SMYD3: variants seen among roughly 807,000 people sequenced by gnomAD.
The protein encoded by SMYD3 is SET and MYND domain containing 3.
Under a neutral mutation model 57.7 loss-of-function variants are expected in SMYD3, and 36 were observed. The observed-to-expected ratio is 0.62, with a 90% CI of 0.48 to 0.82. SMYD3 has a LOEUF of 0.82. Among genes scored for constraint, SMYD3 ranks in the 40% least tolerant of loss-of-function variants. The pLI is 0.00. For synonymous variants in SMYD3, 211 were observed against 195.0 expected (o/e 1.08, Z -0.68); for missense variants, 515 against 538.8 (o/e 0.96, Z 0.44).
At chr1:246,140,893 C>G (rs1331838739) in intron 5 of SMYD3, among the ~76,000 whole-genome samples, 1 of 152,170 alleles carries the variant, frequency 6.6e-6, no homozygotes, top group Admixed American at 6.5e-5. Flanking sequence ...CCAAGCCCAG[C>G]TGGAAGGAAA....
intron 1 of SMYD3, 73 bp downstream of exon 1, chr1:246,506,981 C>T (rs1167370653): frequency 3.7e-6 from 3 of 805,600 alleles, no homozygotes; most frequent in Non-Finnish European, 5.2e-6. Context: ...GGCTGCCGGC[C>T]GCCCGACGCC....
intron 1 of SMYD3, among the ~76,000 whole-genome samples, chr1:246,412,019 G>T (rs2066984003): frequency 6.7e-6 from 1 of 149,702 alleles, no homozygotes; most frequent in Non-Finnish European, 1.5e-5. Context: ...CCACTATCCT[G>T]TCTCTTCCCC....
intron 8 of SMYD3, among the ~76,000 whole-genome samples, chr1:245,895,514 T>C (rs551206593): frequency 6.6e-6 from 1 of 150,982 alleles, no homozygotes; most frequent in Admixed American, 6.6e-5. Flanking sequence ...GCAGAAAAAA[T>C]CTTGGTTTCC....
chr1:246,182,304 T>A (rs1377550506), intron 5 of SMYD3, among the ~76,000 whole-genome samples: 1 of 152,136 alleles, frequency 6.6e-6, no homozygotes, highest in Non-Finnish European at 1.5e-5. Context: ...TACCTCAGCC[T>A]TCACTCCACT....
At chr1:245,909,926 C>T (rs915476068) in intron 8 of SMYD3, among the ~76,000 whole-genome samples, 11 of 152,114 alleles carry the variant, frequency 7.2e-5, no homozygotes, top group Admixed American at 5.9e-4. Context: ...TCCACTTTCA[C>T]CACTTTTACT....
chr1:246,338,642 A>T (rs1482387090), intron 2 of SMYD3, among the ~76,000 whole-genome samples: 1 of 152,232 alleles, frequency 6.6e-6, no homozygotes, highest in African/African-American at 2.4e-5. Flanking sequence ...AAAAGGAGAC[A>T]AGAGTTTCAT....
intron 8 of SMYD3, 32 bp downstream of exon 8, chr1:245,915,498 G>C (rs749588870): frequency 7.3e-7 from 1 of 1,370,956 alleles, no homozygotes; most frequent in East Asian, 2.3e-5. Flanking sequence ...TTTTGCCGTG[G>C]AGGTGTTTCA....
intron 5 of SMYD3, among the ~76,000 whole-genome samples, chr1:246,106,505 T>C: frequency 6.6e-6 from 1 of 152,184 alleles, no homozygotes; most frequent in East Asian, 1.9e-4. Context: ...ATCTGCCAAC[T>C]GAACAAATGA....
intron 10 of SMYD3, among the ~76,000 whole-genome samples, chr1:245,797,426 ACAAAAAAC>A (rs138114209): frequency 0.21 from 32,188 of 150,924 alleles, 4,797 homozygotes; most frequent in African/African-American, 0.42. Flanking sequence ...TATCACAAGG[ACAAAAAAC>A]CAAACACCAC....
intron 1 of SMYD3, among the ~76,000 whole-genome samples, chr1:246,389,483 G>A (rs1192828063): frequency 6.5e-4 from 4 of 6,114 alleles, no homozygotes; most frequent in African/African-American, 9.2e-4. Flanking sequence ...AAATCACCTC[G>A]AGGTTGAAGT....
At chr1:245,795,622 C>T (rs891712440) in intron 10 of SMYD3, among the ~76,000 whole-genome samples, 1 of 152,160 alleles carries the variant, frequency 6.6e-6, no homozygotes, top group Non-Finnish European at 1.5e-5. Context: ...ATGATCTAAC[C>T]ATGCCAGCTC....
At chr1:245,916,776 G>A (rs2055458331) in intron 7 of SMYD3, among the ~76,000 whole-genome samples, 1 of 152,054 alleles carries the variant, frequency 6.6e-6, no homozygotes, top group Non-Finnish European at 1.5e-5. Context: ...TAGCCAGAGT[G>A]ATTCACATAA....
chr1:246,071,995 CTGTGGATG>C lies in SMYD3; in HGVS notation c.532-142066_532-142059del, dbSNP rs1455213044. Among the ~76,000 whole-genome samples, 151 of 86,088 alleles carry C rather than the reference CTGTGGATG, an allele frequency of 1.8e-3. 1 individual carries two copies. Among genetic ancestry groups the C allele is most frequent in the African/African-American group, 5.9e-3 (141 of 23,976 alleles). The allele number at this position is 86,088 out of a possible 152,430, so 56.5% of individuals were successfully genotyped here. A position where few individuals can be genotyped will look rare whatever the true frequency, so the allele number is the denominator to read the frequency against. On this transcript the variant is annotated intron_variant, in intron 5 of 11. Transcript: ENST00000490107. ...ATTCGTGTGCTTTCCACTGTGCTCA[CTGTGGATG>C]CATCGTGTAGTTCTGGGGAGGGATT...
In SMYD3 at chr1:245,960,494, C is replaced by A. The variant is rs11799836; in HGVS notation, c.532-30557G>T. On this transcript the variant is annotated intron_variant, in intron 5 of 11. Coordinates refer to ENST00000490107, the MANE Select transcript of SMYD3 (RefSeq NM_001167740.2). ...ATAGGGCTGGGCACAGTGGCTCACA[C>A]CTGTAATCCCAGCACTTAGAAGGCC... Among the ~76,000 whole-genome samples, 673 of 152,296 alleles carry A rather than the reference C, an allele frequency of 4.4e-3. 5 individuals carry two copies. Among genetic ancestry groups the A allele is most frequent in the African/African-American group, 0.015 (634 of 41,556 alleles).
chr1:246,039,397 C>T (rs2059830447), intron 5 of SMYD3, among the ~76,000 whole-genome samples: 1 of 152,144 alleles, frequency 6.6e-6, no homozygotes, highest in Non-Finnish European at 1.5e-5. Context: ...CTGTCTACAA[C>T]ATGCATATTA....
intron 8 of SMYD3, among the ~76,000 whole-genome samples, chr1:245,886,047 G>A (rs1321267825): frequency 6.6e-6 from 1 of 151,986 alleles, no homozygotes; most frequent in Non-Finnish European, 1.5e-5. Flanking sequence ...ATTTTAAAAG[G>A]CACAATAAAT....
chr1:246,205,234 A>G (rs1006421596), intron 5 of SMYD3, among the ~76,000 whole-genome samples: 2 of 152,244 alleles, frequency 1.3e-5, no homozygotes, highest in Non-Finnish European at 2.9e-5. Flanking sequence ...CAGCTATCAC[A>G]AATTAGCTCA....
At chr1:246,420,196 CAAA>C (rs58293193) in intron 1 of SMYD3, among the ~76,000 whole-genome samples, 1 of 112,520 alleles carries the variant, frequency 8.9e-6, no homozygotes, top group Non-Finnish European at 1.9e-5. Flanking sequence ...AAGACTGTCT[CAAA>C]AAAAAAAAAA....
intron 5 of SMYD3, among the ~76,000 whole-genome samples, chr1:246,115,992 A>T (rs557904882): frequency 6.6e-6 from 1 of 151,666 alleles, no homozygotes; most frequent in Non-Finnish European, 1.5e-5. Flanking sequence ...TACAAAAATT[A>T]GCTGGGCGTG....
Sources: gnomAD v4.1 joint callset for allele counts (sites outside exome capture counted in the v4.1 genomes callset) on GRCh38, gnomAD v4.1.1 for gene constraint, MANE v1.5 for transcripts, NCBI Gene and HGNC (gene_info 2026-07-23, HGNC 2026-07-21) for gene names.